PLGRKT: variants seen among roughly 807,000 people sequenced by gnomAD.
PLGRKT encodes the protein plasminogen receptor (KT).
PLGRKT carries 22 observed loss-of-function variants against 18.5 expected under a neutral mutation model. That is an observed-to-expected ratio of 1.19 (90% confidence interval 0.85 to 1.70). The LOEUF (loss-of-function observed/expected upper bound fraction) is 1.70, where lower values mean the gene tolerates loss of function less well. Ranked by LOEUF, PLGRKT falls within the 40% of genes most tolerant of loss-of-function variation. PLGRKT has a pLI of 0.00. For missense variants in PLGRKT, 235 were observed against 174.4 expected (o/e 1.35, Z -1.96); for synonymous variants, 72 against 52.8 (o/e 1.36, Z -1.58).
intron 3 of PLGRKT, among the ~76,000 whole-genome samples, chr9:5,369,589 T>C (rs956387479): frequency 4.6e-5 from 7 of 152,234 alleles, no homozygotes; most frequent in Admixed American, 1.3e-4. Context: ...ATCCCATTAC[T>C]GGTTATATAC....
intron 3 of PLGRKT, among the ~76,000 whole-genome samples, chr9:5,406,198 T>G (rs542503374): frequency 6.6e-6 from 1 of 152,244 alleles, no homozygotes; most frequent in African/African-American, 2.4e-5. Flanking sequence ...GAAGACAGTA[T>G]GGCAATTTCT....
At chr9:5,362,441 G>A (rs1041452974) in intron 3 of PLGRKT, among the ~76,000 whole-genome samples, 1 of 152,146 alleles carries the variant, frequency 6.6e-6, no homozygotes, top group Non-Finnish European at 1.5e-5. Flanking sequence ...GCCTTTCACT[G>A]CTTTGAACAG....
At chr9:5,433,372 G>C (rs76355440) in intron 2 of PLGRKT, among the ~76,000 whole-genome samples, 7 of 146,734 alleles carry the variant, frequency 4.8e-5, no homozygotes, top group African/African-American at 1.8e-4. Flanking sequence ...GAGCATCTCT[G>C]CCTGACCGTC....
At chr9:5,417,986 A>G (rs190122587) in intron 3 of PLGRKT, among the ~76,000 whole-genome samples, 4 of 152,356 alleles carry the variant, frequency 2.6e-5, no homozygotes, top group Admixed American at 2.6e-4. Flanking sequence ...CATACAGAGC[A>G]TCTTTGTTTT....
intron 3 of PLGRKT, among the ~76,000 whole-genome samples, chr9:5,383,115 G>A (rs1338359249): frequency 1.3e-5 from 2 of 152,186 alleles, no homozygotes; most frequent in African/African-American, 4.8e-5. Flanking sequence ...AGAGAGGCCA[G>A]GTGGAGAAGG....
At chr9:5,369,789 G>C (rs1379263098) in intron 3 of PLGRKT, among the ~76,000 whole-genome samples, 1 of 152,134 alleles carries the variant, frequency 6.6e-6, no homozygotes, top group Non-Finnish European at 1.5e-5. Flanking sequence ...TCCTTTGCAG[G>C]GACATGGATG....
intron 3 of PLGRKT, among the ~76,000 whole-genome samples, chr9:5,371,133 T>G (rs116619933): frequency 6.6e-6 from 1 of 152,206 alleles, no homozygotes; most frequent in Non-Finnish European, 1.5e-5. Flanking sequence ...GGTTGCCATA[T>G]GTAAAAATGA....
chr9:5,415,128 G>C (rs1010873033), intron 3 of PLGRKT, among the ~76,000 whole-genome samples: 1 of 152,116 alleles, frequency 6.6e-6, no homozygotes, highest in Non-Finnish European at 1.5e-5. Flanking sequence ...AACAATATAA[G>C]ATAAGCCTGG....
intron 3 of PLGRKT, among the ~76,000 whole-genome samples, chr9:5,412,462 T>C (rs1467580465): frequency 6.6e-6 from 1 of 152,180 alleles, no homozygotes; most frequent in African/African-American, 2.4e-5. Context: ...GTCCCTATCA[T>C]GAGAGTAGGT....
At chr9:5,421,103 C>T (rs1818567563) in intron 3 of PLGRKT, among the ~76,000 whole-genome samples, 1 of 152,146 alleles carries the variant, frequency 6.6e-6, no homozygotes, top group Non-Finnish European at 1.5e-5. Context: ...AACAGTTGTC[C>T]TGGGTACAAG....
Position 5,406,661 on chromosome 9 carries a change from C to G in PLGRKT, c.81+25236G>C, listed in dbSNP as rs1818263775. Among the ~76,000 whole-genome samples the G allele has an allele frequency of 2.0e-5, 3 of 152,092 alleles. No homozygotes were observed. In the South Asian group the frequency reaches 6.2e-4, roughly 32 times the overall value. On this transcript the variant is annotated intron_variant, in intron 3 of 5. Coordinates refer to ENST00000223864, the MANE Select transcript of PLGRKT (RefSeq NM_018465.4). ...GGGAAAAGAGCTAATGCGTGCTGGG[C>G]TTAATACCTAGGTGATGGGTTGACA...
chr9:5,386,490 A>G (rs1175104302), intron 3 of PLGRKT, among the ~76,000 whole-genome samples: 1 of 151,574 alleles, frequency 6.6e-6, no homozygotes, highest in Admixed American at 6.6e-5. Context: ...TATGCAGTGG[A>G]CCCCCACACA....
At chr9:5,430,932 G>A (rs949212071) in intron 3 of PLGRKT, among the ~76,000 whole-genome samples, 2 of 152,180 alleles carry the variant, frequency 1.3e-5, no homozygotes, top group South Asian at 2.1e-4. Flanking sequence ...ATCCAGCCAC[G>A]TCTAAATCCA....
intron 3 of PLGRKT, among the ~76,000 whole-genome samples, chr9:5,365,981 A>G (rs552889030): frequency 2.6e-5 from 4 of 152,316 alleles, no homozygotes; most frequent in South Asian, 2.1e-4. Context: ...AGAGTGAGAA[A>G]AAATTCCATG....
At chr9:5,386,136 C>T (rs576677135) in intron 3 of PLGRKT, among the ~76,000 whole-genome samples, 9 of 151,808 alleles carry the variant, frequency 5.9e-5, no homozygotes, top group Non-Finnish European at 1.2e-4. Context: ...GTAAGAAGTC[C>T]TTTTTCTCTG....
intron 3 of PLGRKT, among the ~76,000 whole-genome samples, chr9:5,421,383 G>A (rs578096035): frequency 6.6e-6 from 1 of 152,242 alleles, no homozygotes; most frequent in African/African-American, 2.4e-5. Context: ...ACCCACCCAT[G>A]GTCTCCCATC....
At chr9:5,382,384 G>A (rs963616142) in intron 3 of PLGRKT, among the ~76,000 whole-genome samples, 11 of 152,208 alleles carry the variant, frequency 7.2e-5, no homozygotes, top group South Asian at 4.1e-4. Flanking sequence ...AGGAAATGAC[G>A]TTGAAGCTGA....
chr9:5,366,725 A>T (rs925622799), intron 3 of PLGRKT, among the ~76,000 whole-genome samples: 1 of 152,268 alleles, frequency 6.6e-6, no homozygotes, highest in East Asian at 1.9e-4. Flanking sequence ...CTGCTATTCA[A>T]TGTAGTACTG....
At chr9:5,436,828 T>A (rs1350296973) in intron 1 of PLGRKT, 134 bp from the exon 2 acceptor site, 1 of 152,234 alleles carries the variant, frequency 6.6e-6, no homozygotes, top group African/African-American at 2.4e-5. Context: ...CCGTAGGGTG[T>A]CCAGAACACT....
Sources: gnomAD v4.1 joint callset for allele counts (sites outside exome capture counted in the v4.1 genomes callset) on GRCh38, gnomAD v4.1.1 for gene constraint, MANE v1.5 for transcripts, NCBI Gene and HGNC (gene_info 2026-07-23, HGNC 2026-07-21) for gene names.